CDCA2: variants seen among roughly 807,000 people sequenced by gnomAD.
CDCA2 encodes the protein cell division cycle associated 2, also known as cell division cycle-associated protein 2.
Under a neutral mutation model 67.0 loss-of-function variants are expected in CDCA2, and 44 were observed. That is an observed-to-expected ratio of 0.66 (90% confidence interval 0.52 to 0.84). The LOEUF (loss-of-function observed/expected upper bound fraction) is 0.84, where lower values mean the gene tolerates loss of function less well. CDCA2 is among the 40% of genes least tolerant of loss of function. CDCA2 has a pLI of 0.00. For missense variants in CDCA2, 1,253 were observed against 1,203.2 expected, an observed-to-expected ratio of 1.04 and a Z score of -0.61; for synonymous variants, 447 against 418.7, an observed-to-expected ratio of 1.07 and a Z score of -0.82.
In CDCA2 at chr8:25,469,977, A is replaced by G. The variant is rs1379492815; in HGVS notation, c.817A>G (p.Asn273Asp). The G allele has an allele frequency of 3.1e-6, 5 of 1,595,972 alleles. No individual in the cohort carries two copies. The highest frequency in any genetic ancestry group is 1.1e-5 in the South Asian group (1 of 90,194). ...CCTTTCAGAGCTCACAGAGACTTCA[A>G]ATGGTAAGTAATCTTTTCTTAGTAC... The part of the protein sequence containing the change: ...LPLSELTETS[N>D]ALKVADCVVG... The change falls in exon 7 of 15, where the codon AAT becomes GAT. Residue 273 changes from asparagine (N) to aspartate (D), a missense_variant. By Grantham distance (23) the Asn-to-Asp change is conservative. Coordinates refer to ENST00000330560, the MANE Select transcript of CDCA2 (RefSeq NM_152562.4).
chr8:25,469,288 G>A (rs1285968753), intron 6 of CDCA2, among the ~76,000 whole-genome samples: 1 of 152,142 alleles, frequency 6.6e-6, no homozygotes, highest in East Asian at 1.9e-4. Context: ...GGCTCCAGTG[G>A]GTTTCCTTTG....
At chr8:25,498,453 A>ACCACCCCCCCCCCC (rs375231236) in intron 13 of CDCA2, among the ~76,000 whole-genome samples, 2 of 76,604 alleles carry the variant, frequency 2.6e-5, no homozygotes, top group African/African-American at 8.8e-5. Context: ...GGTAATCTGC[A>ACCACCCCCCCCCCC]CCCCCCCCCC....
intron 13 of CDCA2, 81 bp downstream of exon 13, chr8:25,488,770 A>AT (rs1185157192): frequency 1.5e-6 from 2 of 1,337,746 alleles, no homozygotes; most frequent in Non-Finnish European, 1.9e-6. Flanking sequence ...ATAGAAACAC[A>AT]TTTTTTTCCA....
rs1483130173 is a variant in CDCA2, at chr8:25,503,563, G to A, written c.1843+19G>A. 1.3e-6 allele frequency: 2 copies of A among 1,574,464 alleles called. No homozygotes were observed. The highest frequency in any genetic ancestry group is 1.4e-5 in the African/African-American group (1 of 72,418). On this transcript the variant is annotated intron_variant, in intron 14 of 14. Transcript: ENST00000330560. The stretch of plus-strand genomic sequence containing the variant: ...GGTTCAGGTATCCTGACATTTTCCT[G>A]GTAGTTATATTTTATCTTTTCTCTT...
chr8:25,473,197 G>C (rs1803225877), intron 7 of CDCA2, among the ~76,000 whole-genome samples: 1 of 152,142 alleles, frequency 6.6e-6, no homozygotes, highest in Non-Finnish European at 1.5e-5. Context: ...CTCGCTTTTA[G>C]GGTTAAATAG....
chr8:25,460,896 T>G (rs1802657052), intron 3 of CDCA2, among the ~76,000 whole-genome samples: 1 of 152,102 alleles, frequency 6.6e-6, no homozygotes, highest in Admixed American at 6.5e-5. Flanking sequence ...TTGTTTTCAT[T>G]TATGGCAAAA....
intron 13 of CDCA2, among the ~76,000 whole-genome samples, chr8:25,495,183 A>G (rs1467707817): frequency 6.6e-6 from 1 of 152,196 alleles, no homozygotes; most frequent in Non-Finnish European, 1.5e-5. Context: ...AAGGGAGGAG[A>G]CAGGAGAGAA....
At chr8:25,481,489 G>C (rs1803569550) in intron 8 of CDCA2, among the ~76,000 whole-genome samples, 1 of 152,164 alleles carries the variant, frequency 6.6e-6, no homozygotes, top group African/African-American at 2.4e-5. Context: ...AGGAGATAGA[G>C]ACCGTCCTGG....
At chr8:25,490,859 A>T (rs1426336381) in intron 13 of CDCA2, among the ~76,000 whole-genome samples, 1 of 152,212 alleles carries the variant, frequency 6.6e-6, no homozygotes, top group African/African-American at 2.4e-5. Flanking sequence ...AAAGAGACTG[A>T]GCTGGAAAGC....
In CDCA2 at chr8:25,460,475, T is replaced by C; in HGVS notation, c.153T>C (p.Phe51=). The C allele has an allele frequency of 1.9e-6, 3 of 1,614,202 alleles. No individual in the cohort carries two copies. Among genetic ancestry groups the C allele is most frequent in the Non-Finnish European group, 2.5e-6 (3 of 1,180,034 alleles). ...CTAATCCTTGCACACCAGATACTTT[T>C]AAATCACCTTTGAACTTTTCCACAG... The part of the protein sequence containing the change: ...LPPNPCTPDT[F]KSPLNFSTVT... The change falls in exon 3 of 15, where the codon TTT becomes TTC. Residue 51 remains phenylalanine, a synonymous_variant. Coordinates refer to ENST00000330560, the MANE Select transcript of CDCA2 (RefSeq NM_152562.4).
chr8:25,491,219 A>C (rs1050683895), intron 13 of CDCA2, among the ~76,000 whole-genome samples: 2 of 152,186 alleles, frequency 1.3e-5, no homozygotes, highest in Non-Finnish European at 2.9e-5. Context: ...CTCTTAGGAA[A>C]AAGAAGGAGA....
At chr8:25,497,927 C>T (rs2117543667) in intron 13 of CDCA2, among the ~76,000 whole-genome samples, 1 of 152,246 alleles carries the variant, frequency 6.6e-6, no homozygotes, top group East Asian at 1.9e-4. Flanking sequence ...AACATAGACT[C>T]ACCTACTGTA....
At chr8:25,469,508 G>T (rs899043577) in intron 6 of CDCA2, among the ~76,000 whole-genome samples, 2 of 152,104 alleles carry the variant, frequency 1.3e-5, no homozygotes, top group African/African-American at 4.8e-5. Flanking sequence ...TATTGATATC[G>T]TTTGGCGTTT....
intron 14 of CDCA2, 61 bp downstream of exon 14, chr8:25,503,605 ATTTTAC>A: frequency 6.6e-7 from 1 of 1,513,430 alleles, no homozygotes; most frequent in African/African-American, 1.4e-5. Flanking sequence ...CTTTGTTGCT[ATTTTAC>A]TTTTTTCACT....
At chr8:25,496,357 G>T (rs1804223026) in intron 13 of CDCA2, among the ~76,000 whole-genome samples, 1 of 152,054 alleles carries the variant, frequency 6.6e-6, no homozygotes. Flanking sequence ...TAAAATTTGA[G>T]CTCTATTTCA....
intron 4 of CDCA2, among the ~76,000 whole-genome samples, chr8:25,462,772 G>A (rs971105284): frequency 1.3e-5 from 2 of 152,174 alleles, no homozygotes; most frequent in African/African-American, 4.8e-5. Flanking sequence ...GAACTCCTGG[G>A]CTCAAGGAAT....
At chr8:25,461,969 C>A in intron 3 of CDCA2, 85 bp from the exon 4 acceptor site, 1 of 1,327,150 alleles carries the variant, frequency 7.5e-7, no homozygotes, top group Non-Finnish European at 1.1e-6. Flanking sequence ...TGTTTTCTCT[C>A]TCAGGCTGGT....
chr8:25,483,539 A>G (rs1803651153), intron 9 of CDCA2, 53 bp downstream of exon 9: 3 of 1,271,210 alleles, frequency 2.4e-6, no homozygotes, highest in Non-Finnish European at 3.4e-6. Context: ...TCATGTTAGT[A>G]AAACCTAGTA....
chr8:25,494,587 T>A (rs921067243), intron 13 of CDCA2, among the ~76,000 whole-genome samples: 1 of 152,184 alleles, frequency 6.6e-6, no homozygotes, highest in African/African-American at 2.4e-5. Flanking sequence ...GGAACCAATT[T>A]CCCTACAGAT....
Sources: gnomAD v4.1 joint callset for allele counts (sites outside exome capture counted in the v4.1 genomes callset) on GRCh38, gnomAD v4.1.1 for gene constraint, MANE v1.5 for transcripts, NCBI Gene and HGNC (gene_info 2026-07-23, HGNC 2026-07-21) for gene names.